The following PHLDB2 variants were observed in gnomAD, a reference collection of about 807,000 sequenced individuals.
The protein encoded by PHLDB2 is pleckstrin homology like domain family B member 2.
A neutral mutation model predicts 123.6 loss-of-function variants in PHLDB2; 71 were observed. The observed-to-expected ratio is 0.57, with a 90% CI of 0.47 to 0.70. The LOEUF (loss-of-function observed/expected upper bound fraction) is 0.70. PHLDB2 is among the 30% of genes least tolerant of loss of function. The probability of loss-of-function intolerance (pLI) is 0.00; values close to 1 mark genes in which losing one functional copy is unlikely to be tolerated. For missense variants in PHLDB2, 1,446 were observed against 1,519.5 expected, an observed-to-expected ratio of 0.95 and a Z score of 0.80; for synonymous variants, 547 against 541.6, an observed-to-expected ratio of 1.01 and a Z score of -0.14.
At chr3:111,927,006 C>T (rs910556290) in intron 5 of PHLDB2, among the ~76,000 whole-genome samples, 3 of 152,140 alleles carry the variant, frequency 2.0e-5, no homozygotes, top group Admixed American at 1.3e-4. Flanking sequence ...TGTCCAGACT[C>T]ATCAAAAGGA....
intron 1 of PHLDB2, among the ~76,000 whole-genome samples, chr3:111,877,001 GT>G (rs1177759439): frequency 2.0e-5 from 3 of 152,252 alleles, no homozygotes; most frequent in Admixed American, 2.0e-4. Context: ...CCAAGTCTTT[GT>G]TATTGTGAAC....
intron 1 of PHLDB2, among the ~76,000 whole-genome samples, chr3:111,761,183 C>CA (rs60999461): frequency 0.01 from 1,128 of 111,178 alleles, 12 homozygotes; most frequent in African/African-American, 0.03. Flanking sequence ...GACTCCATCT[C>CA]AAAAAAAAAA....
intron 2 of PHLDB2, among the ~76,000 whole-genome samples, chr3:111,911,176 C>G (rs1031860729): frequency 2.6e-5 from 4 of 152,184 alleles, no homozygotes; most frequent in Non-Finnish European, 5.9e-5. Context: ...ACAGAAATAT[C>G]TTTCATGCTT....
chr3:111,764,364 G>A (rs537567015), intron 1 of PHLDB2, among the ~76,000 whole-genome samples: 22 of 152,280 alleles, frequency 1.4e-4, no homozygotes, highest in African/African-American at 4.6e-4. Context: ...CAACATCTGA[G>A]ATTCTTACCA....
intron 1 of PHLDB2, among the ~76,000 whole-genome samples, chr3:111,876,912 A>G (rs1191663192): frequency 6.6e-6 from 1 of 152,126 alleles, no homozygotes; most frequent in Non-Finnish European, 1.5e-5. Flanking sequence ...ATCCTTTTTA[A>G]GGCTGCATAG....
intron 2 of PHLDB2, among the ~76,000 whole-genome samples, chr3:111,852,671 C>T (rs1200691138): frequency 6.6e-6 from 1 of 151,962 alleles, no homozygotes; most frequent in Non-Finnish European, 1.5e-5. Flanking sequence ...GCCCACTACG[C>T]AGGCAAAGTA....
rs756362282 is a variant in PHLDB2 at position 111,884,954 on chromosome 3, C to G, written c.877C>G (p.His293Asp). ...AAAACTTGGGGAAAAGGATCTACCTCATAGCGTAATAGACAATGACAATTA... is the reference window on the plus strand; with the variant it reads ...AAAACTTGGGGAAAAGGATCTACCTGATAGCGTAATAGACAATGACAATTA... ...RTKLGEKDLPHSVIDNDNYLN... is the reference protein window; with the variant it reads ...RTKLGEKDLPDSVIDNDNYLN... The change falls in exon 2 of 18, where the codon CAT becomes GAT. Residue 293 changes from histidine (H) to aspartate (D), a missense_variant. Physicochemically the swap from His to Asp is moderately conservative, Grantham distance 81. This residue lies in a region of PHLDB2 where 832 missense variants were observed against 831.9 expected (regional missense o/e 1.00). Transcript: ENST00000431670. 1 of 1,614,118 alleles carries G rather than the reference C, an allele frequency of 6.2e-7. No homozygotes were observed. The highest frequency in any genetic ancestry group is 2.2e-5 in the East Asian group (1 of 44,872).
intron 13 of PHLDB2, among the ~76,000 whole-genome samples, chr3:111,964,396 A>T (rs953366886): frequency 6.6e-6 from 1 of 152,080 alleles, no homozygotes; most frequent in Non-Finnish European, 1.5e-5. Context: ...CTGGTGTGCA[A>T]TGGTGCAATT....
intron 2 of PHLDB2, among the ~76,000 whole-genome samples, chr3:111,848,515 C>T (rs948159779): frequency 1.3e-5 from 2 of 152,216 alleles, no homozygotes; most frequent in Admixed American, 6.5e-5. Flanking sequence ...CTTTGACCCC[C>T]CCAAACAGCA....
At chr3:111,850,121 C>T (rs1187755163) in intron 2 of PHLDB2, among the ~76,000 whole-genome samples, 1 of 151,420 alleles carries the variant, frequency 6.6e-6, no homozygotes, top group East Asian at 2.0e-4. Flanking sequence ...TCGGCCTCCC[C>T]AAGTGCTAGG....
intron 1 of PHLDB2, among the ~76,000 whole-genome samples, chr3:111,757,710 A>G (rs1358593584): frequency 6.6e-6 from 1 of 151,890 alleles, no homozygotes; most frequent in Non-Finnish European, 1.5e-5. Context: ...GGTTTTATCT[A>G]CTTTTTGTCT....
At chr3:111,930,403 G>T (rs2069069494) in intron 5 of PHLDB2, among the ~76,000 whole-genome samples, 1 of 35,272 alleles carries the variant, frequency 2.8e-5, no homozygotes, top group Admixed American at 2.9e-4. Context: ...AAATTATAAT[G>T]AGTAGTCTTC....
At chr3:111,948,010 C>T (rs1037040114) in intron 9 of PHLDB2, among the ~76,000 whole-genome samples, 4 of 152,144 alleles carry the variant, frequency 2.6e-5, no homozygotes, top group African/African-American at 9.7e-5. Context: ...TGGTGAAAAT[C>T]ATGATTGGTC....
intron 5 of PHLDB2, among the ~76,000 whole-genome samples, chr3:111,929,456 A>G (rs1355799293): frequency 6.6e-6 from 1 of 152,202 alleles, no homozygotes; most frequent in African/African-American, 2.4e-5. Context: ...TTAAAAAGCA[A>G]GAATCCCTAA....
intron 1 of PHLDB2, among the ~76,000 whole-genome samples, chr3:111,767,057 G>T (rs1485990845): frequency 3.1e-5 from 1 of 32,126 alleles, no homozygotes; most frequent in Non-Finnish European, 1.1e-4. Flanking sequence ...AAAAAAAGCA[G>T]TCCAAAAACA....
At chr3:111,864,214 G>A (rs2064964336) in intron 1 of PHLDB2, among the ~76,000 whole-genome samples, 1 of 152,182 alleles carries the variant, frequency 6.6e-6, no homozygotes, top group South Asian at 2.1e-4. Context: ...GGGTGTAGCA[G>A]TCTTTTCATT....
intron 1 of PHLDB2, among the ~76,000 whole-genome samples, chr3:111,879,211 T>C (rs935171046): frequency 6.6e-6 from 1 of 152,202 alleles, no homozygotes; most frequent in African/African-American, 2.4e-5. Flanking sequence ...AGGCTACTAA[T>C]TGCTGCCTCA....
intron 1 of PHLDB2, among the ~76,000 whole-genome samples, chr3:111,772,065 C>A (rs1576552922): frequency 6.6e-6 from 1 of 151,458 alleles, no homozygotes; most frequent in Non-Finnish European, 1.5e-5. Flanking sequence ...TTCTGCTCCT[C>A]AAAAAAAAGA....
intron 1 of PHLDB2, among the ~76,000 whole-genome samples, chr3:111,801,156 T>G (rs186197515): frequency 4.6e-5 from 7 of 152,250 alleles, no homozygotes; most frequent in Admixed American, 3.9e-4. Flanking sequence ...CCACATAAAT[T>G]ACAGGGCCCA....
Sources: gnomAD v4.1 joint callset for allele counts (sites outside exome capture counted in the v4.1 genomes callset) on GRCh38, gnomAD v4.1.1 for gene constraint, gnomAD v4.1.1 regional missense constraint, MANE v1.5 for transcripts, NCBI Gene and HGNC (gene_info 2026-07-23, HGNC 2026-07-21) for gene names.